The following PLEKHA5 variants were observed in gnomAD, a reference collection of about 807,000 sequenced individuals.
PLEKHA5 encodes pleckstrin homology domain-containing family A member 5.
PLEKHA5 carries 55 observed loss-of-function variants against 181.9 expected under a neutral mutation model. The ratio of observed to expected loss-of-function variants is 0.30; its 90% CI spans 0.24 to 0.38. The LOEUF (loss-of-function observed/expected upper bound fraction) is 0.38, where lower values mean the gene tolerates loss of function less well. Among genes scored for constraint, PLEKHA5 ranks in the 10% least tolerant of loss-of-function variants. The probability of loss-of-function intolerance (pLI) is 1.00; values close to 1 mark genes in which losing one functional copy is unlikely to be tolerated. For missense variants in PLEKHA5, 1,432 were observed against 1,549.5 expected (o/e 0.92, Z 1.27); for synonymous variants, 535 against 529.4 (o/e 1.01, Z -0.15).
intron 3 of PLEKHA5, among the ~76,000 whole-genome samples, chr12:19,147,439 C>G (rs1210769484): frequency 6.6e-6 from 1 of 151,940 alleles, no homozygotes; most frequent in Non-Finnish European, 1.5e-5. Flanking sequence ...GGTGTTGTAA[C>G]GTTAGGGACA....
intron 25 of PLEKHA5, among the ~76,000 whole-genome samples, chr12:19,351,505 A>G (rs183276275): frequency 1.3e-3 from 204 of 152,238 alleles, no homozygotes; most frequent in African/African-American, 4.6e-3. Context: ...GTTCTGAATC[A>G]TGGTAATGAT....
chr12:19,288,365 T>TA (rs566341533), intron 13 of PLEKHA5, among the ~76,000 whole-genome samples: 248 of 152,342 alleles, frequency 1.6e-3, no homozygotes, highest in African/African-American at 5.6e-3. Flanking sequence ...TTGTCAGTGT[T>TA]ATGTTAATTG....
chr12:19,140,276 G>A (rs2036873281), intron 3 of PLEKHA5, among the ~76,000 whole-genome samples: 1 of 152,130 alleles, frequency 6.6e-6, no homozygotes. Flanking sequence ...GTCTACTTTG[G>A]TTTCAAGAAA....
intron 3 of PLEKHA5, among the ~76,000 whole-genome samples, chr12:19,186,009 TCTCTAGG>T: frequency 6.6e-6 from 1 of 152,186 alleles, no homozygotes; most frequent in East Asian, 1.9e-4. Context: ...GTTATCTGTC[TCTCTAGG>T]CTTATAAATA....
chr12:19,268,824 A>G (rs906563265), intron 8 of PLEKHA5, among the ~76,000 whole-genome samples: 1 of 152,130 alleles, frequency 6.6e-6, no homozygotes, highest in Non-Finnish European at 1.5e-5. Context: ...GTCCAGTAAC[A>G]TTTTGTAGGT....
intron 3 of PLEKHA5, among the ~76,000 whole-genome samples, chr12:19,224,142 T>A (rs144808757): frequency 2.4e-4 from 37 of 152,296 alleles, no homozygotes; most frequent in African/African-American, 8.9e-4. Context: ...TTAATTACAG[T>A]GTAACAAGGT....
intron 3 of PLEKHA5, among the ~76,000 whole-genome samples, chr12:19,162,640 T>C (rs1348345466): frequency 6.6e-6 from 1 of 152,104 alleles, no homozygotes; most frequent in Admixed American, 6.5e-5. Context: ...CATCTTTCTT[T>C]TTAATGAACT....
chr12:19,278,996 A>G (rs1380015576), intron 11 of PLEKHA5, among the ~76,000 whole-genome samples: 1 of 152,218 alleles, frequency 6.6e-6, no homozygotes, highest in South Asian at 2.1e-4. Flanking sequence ...TTTAAAATAC[A>G]AAATAAGGCA....
intron 2 of PLEKHA5, among the ~76,000 whole-genome samples, chr12:19,131,191 T>A (rs1293666383): frequency 6.6e-6 from 1 of 152,222 alleles, no homozygotes; most frequent in East Asian, 1.9e-4. Flanking sequence ...GTTTCAGCAG[T>A]CCTCAGAGCT....
At chr12:19,174,401 A>G (rs1488831442) in intron 3 of PLEKHA5, among the ~76,000 whole-genome samples, 1 of 152,226 alleles carries the variant, frequency 6.6e-6, no homozygotes, top group Non-Finnish European at 1.5e-5. Flanking sequence ...AAAAGCAAAC[A>G]TGGGTAGTAT....
chr12:19,334,817 A>T (rs1456996563), intron 20 of PLEKHA5, among the ~76,000 whole-genome samples: 5 of 8,244 alleles, frequency 6.1e-4, no homozygotes, highest in Non-Finnish European at 3.6e-4. Flanking sequence ...TCCTGTCTTC[A>T]CAAAAAAAAA....
intron 25 of PLEKHA5, among the ~76,000 whole-genome samples, chr12:19,353,218 A>G (rs532054853): frequency 9.9e-5 from 15 of 152,206 alleles, no homozygotes; most frequent in African/African-American, 2.9e-4. Flanking sequence ...CCGTGGCGCT[A>G]TCTCAGCTCA....
intron 3 of PLEKHA5, among the ~76,000 whole-genome samples, chr12:19,240,961 T>C (rs2062460476): frequency 6.6e-6 from 1 of 152,174 alleles, no homozygotes; most frequent in African/African-American, 2.4e-5. Flanking sequence ...GCATTTTTAT[T>C]CTGTTATGTG....
At position 19,279,810 on chromosome 12, in the gene PLEKHA5, G is replaced by T. The variant is rs1358447149; in HGVS notation, c.1314-3470G>T. Among the ~76,000 whole-genome samples, 10 of 151,652 alleles carry T rather than the reference G, an allele frequency of 6.6e-5. No homozygotes were observed. The South Asian group carries it at 2.1e-3, about 32-fold the overall frequency. On this transcript the variant is annotated intron_variant, in intron 11 of 31. Transcript: ENST00000429027. Reference sequence around the variant, plus strand: ...AATAGGAAAGCAAGAATCAAAACTTGGCTGTCTTGATTTTTGATCAACCAC... The same window carrying T: ...AATAGGAAAGCAAGAATCAAAACTTTGCTGTCTTGATTTTTGATCAACCAC...
intron 3 of PLEKHA5, among the ~76,000 whole-genome samples, chr12:19,243,772 CAAA>C (rs779605651): frequency 6.6e-6 from 1 of 151,736 alleles, no homozygotes; most frequent in South Asian, 2.1e-4. Flanking sequence ...TTTTACCCCT[CAAA>C]AAAAATTACA....
intron 3 of PLEKHA5, among the ~76,000 whole-genome samples, chr12:19,236,702 GT>G (rs2061458262): frequency 6.6e-6 from 1 of 152,068 alleles, no homozygotes; most frequent in African/African-American, 2.4e-5. Context: ...ATATCTTAGT[GT>G]TTTATCCTAT....
intron 3 of PLEKHA5, among the ~76,000 whole-genome samples, chr12:19,219,280 G>A (rs1198542947): frequency 2.6e-5 from 4 of 152,154 alleles, no homozygotes; most frequent in Non-Finnish European, 4.4e-5. Context: ...CATGCTGAGG[G>A]ATGACTGTAT....
intron 3 of PLEKHA5, among the ~76,000 whole-genome samples, chr12:19,253,064 C>CTTTTTTTTTTTTTTTT (rs35536570): frequency 0.015 from 685 of 45,880 alleles, 204 homozygotes; most frequent in Non-Finnish European, 0.026. Context: ...ATCAACTTAC[C>CTTTTTTTTTTTTTTTT]TTTTTTTTTT....
At chr12:19,134,199 G>T (rs541939572) in intron 3 of PLEKHA5, among the ~76,000 whole-genome samples, 1 of 151,884 alleles carries the variant, frequency 6.6e-6, no homozygotes, top group Admixed American at 6.6e-5. Flanking sequence ...TTTGTTTTAC[G>T]AGCCATTTTG....
Sources: allele counts gnomAD v4.1 joint callset (sites outside exome capture counted in the v4.1 genomes callset), GRCh38; gene constraint gnomAD v4.1.1; transcripts MANE v1.5; gene names NCBI Gene and HGNC (gene_info 2026-07-23, HGNC 2026-07-21).